MYT1L: variants seen among roughly 807,000 people sequenced by gnomAD.
MYT1L encodes myelin transcription factor 1 like, also known as myelin transcription factor 1-like protein.
Under a neutral mutation model 126.7 loss-of-function variants are expected in MYT1L, and 12 were observed. The ratio of observed to expected loss-of-function variants is 0.09; its 90% CI spans 0.06 to 0.15. The LOEUF is 0.15. MYT1L is among the 10% of genes least tolerant of loss of function. MYT1L has a pLI of 1.00. For synonymous variants in MYT1L, 541 were observed against 604.2 expected (o/e 0.90, Z 1.53); for missense variants, 979 against 1,585.2 (o/e 0.62, Z 6.49).
intron 3 of MYT1L, among the ~76,000 whole-genome samples, chr2:2,083,781 T>G (rs1309934177): frequency 1.3e-5 from 2 of 152,166 alleles, no homozygotes; most frequent in Non-Finnish European, 2.9e-5. Flanking sequence ...AGTAAGCCCA[T>G]GTGCTGATGA....
intron 2 of MYT1L, among the ~76,000 whole-genome samples, chr2:2,259,898 G>A (rs573416187): frequency 2.0e-4 from 30 of 152,296 alleles, no homozygotes; most frequent in African/African-American, 6.5e-4. Flanking sequence ...ACTGGCCAGG[G>A]GTTCTGTGAA....
chr2:2,283,981 C>T (rs533776163), intron 2 of MYT1L, among the ~76,000 whole-genome samples: 1 of 152,048 alleles, frequency 6.6e-6, no homozygotes, highest in Non-Finnish European at 1.5e-5. Flanking sequence ...GTGGCCTCAC[C>T]CAAAGCAGGC....
chr2:1,932,828 T>C (rs757830691), intron 9 of MYT1L, among the ~76,000 whole-genome samples: 2 of 151,470 alleles, frequency 1.3e-5, no homozygotes, highest in African/African-American at 4.9e-5. Flanking sequence ...GCTGGTGGAG[T>C]GTGCTGGAAG....
chr2:1,984,842 T>C (rs549310322), intron 5 of MYT1L, among the ~76,000 whole-genome samples: 1 of 152,270 alleles, frequency 6.6e-6, no homozygotes, highest in South Asian at 2.1e-4. Context: ...GAAAATTTCA[T>C]AAACTCAGTA....
intron 9 of MYT1L, among the ~76,000 whole-genome samples, chr2:1,937,654 C>T (rs978250306): frequency 2.0e-5 from 3 of 152,000 alleles, no homozygotes; most frequent in Admixed American, 6.5e-5. Context: ...CTAACATCCG[C>T]GGCCATCAGA....
intron 2 of MYT1L, among the ~76,000 whole-genome samples, chr2:2,279,568 T>TGAAG (rs199817306): frequency 0.12 from 17,232 of 144,652 alleles, 1,178 homozygotes; most frequent in Non-Finnish European, 0.15. Context: ...AATGAATGAA[T>TGAAG]GAAGGAAGGA....
chr2:1,969,172 G>A (rs1453701793), intron 8 of MYT1L, among the ~76,000 whole-genome samples: 1 of 152,198 alleles, frequency 6.6e-6, no homozygotes, highest in Admixed American at 6.5e-5. Flanking sequence ...CTCACCCTGT[G>A]AAGGCACTGG....
chr2:2,313,711 G>C (rs1409781764), intron 1 of MYT1L, among the ~76,000 whole-genome samples: 1 of 152,010 alleles, frequency 6.6e-6, no homozygotes, highest in Non-Finnish European at 1.5e-5. Context: ...AAAAATTTAA[G>C]TAAAATATGA....
At chr2:2,179,370 A>C (rs2091161029) in intron 2 of MYT1L, among the ~76,000 whole-genome samples, 1 of 152,226 alleles carries the variant, frequency 6.6e-6, no homozygotes, top group Non-Finnish European at 1.5e-5. Context: ...GAGTTAGCTT[A>C]GATGAGTTCA....
intron 2 of MYT1L, among the ~76,000 whole-genome samples, chr2:2,200,551 C>T (rs1381517592): frequency 6.6e-6 from 1 of 152,186 alleles, no homozygotes; most frequent in African/African-American, 2.4e-5. Context: ...ATCTTACTCT[C>T]CTGAACTTAA....
intron 5 of MYT1L, among the ~76,000 whole-genome samples, chr2:1,991,695 C>A (rs572518372): frequency 6.6e-6 from 1 of 152,280 alleles, no homozygotes; most frequent in South Asian, 2.1e-4. Context: ...GCTCAGACCC[C>A]TCCACCCTCC....
At chr2:2,254,457 C>T (rs937864232) in intron 2 of MYT1L, among the ~76,000 whole-genome samples, 1 of 152,110 alleles carries the variant, frequency 6.6e-6, no homozygotes, top group Non-Finnish European at 1.5e-5. Context: ...TTTCCAGAGG[C>T]GCTGGAGCTG....
At chr2:2,286,714 T>C (rs1439412887) in intron 1 of MYT1L, among the ~76,000 whole-genome samples, 1 of 152,182 alleles carries the variant, frequency 6.6e-6, no homozygotes, top group Non-Finnish European at 1.5e-5. Flanking sequence ...AGAGATCATC[T>C]GTGGTCAAGG....
intron 11 of MYT1L, among the ~76,000 whole-genome samples, chr2:1,915,879 C>T (rs2052745352): frequency 6.6e-6 from 1 of 152,164 alleles, no homozygotes. Flanking sequence ...CTCTCATCTT[C>T]CTCATCCGAA....
At chr2:2,031,678 G>C (rs542908175) in intron 4 of MYT1L, among the ~76,000 whole-genome samples, 31 of 133,014 alleles carry the variant, frequency 2.3e-4, no homozygotes, top group African/African-American at 9.0e-4. Flanking sequence ...CTGTGGCCCA[G>C]AGCAGATTCT....
At chr2:1,919,954 G>A (rs895109933) in intron 10 of MYT1L, among the ~76,000 whole-genome samples, 1 of 135,030 alleles carries the variant, frequency 7.4e-6, no homozygotes, top group Admixed American at 7.0e-5. Flanking sequence ...TCCTGACCTC[G>A]TGATCCACCC....
chr2:2,180,018 CTG>C (rs1276387838), intron 2 of MYT1L, among the ~76,000 whole-genome samples: 2 of 152,200 alleles, frequency 1.3e-5, no homozygotes, highest in African/African-American at 4.8e-5. Context: ...CCTTCACACA[CTG>C]TTTCACACAG....
At chr2:2,050,583 C>T (rs890602103) in intron 4 of MYT1L, among the ~76,000 whole-genome samples, 6 of 152,126 alleles carry the variant, frequency 3.9e-5, no homozygotes, top group African/African-American at 1.4e-4. Context: ...CAGAAAAATG[C>T]CCTAAATCTA....
Position 1,922,656 on chromosome 2 carries a change from C to A in MYT1L, c.1113G>T (p.Thr371=). 6.2e-7 allele frequency: 1 copy of A among 1,613,834 alleles called. No individual in the cohort carries two copies. Among genetic ancestry groups the A allele is most frequent in the Non-Finnish European group, 8.5e-7 (1 of 1,179,846 alleles). Residue 371 remains threonine (T), a synonymous_variant, in exon 10 of 25, where the codon ACG becomes ACT. Coordinates refer to ENST00000647738, the MANE Select transcript of MYT1L (RefSeq NM_001303052.2). The surrounding 1 kb of genome is among the most constrained non-coding windows in gnomAD (Gnocchi z 7.4). ...VRPEEDFPGR[T]PDRNYSDMLN... ...GCATGTCCGAGTAGTTTCTGTCCGG[C>A]GTCCTTCCGGGGAAGTCCTCTTCTG...
Sources: gnomAD v4.1 joint callset for allele counts (sites outside exome capture counted in the v4.1 genomes callset) on GRCh38, gnomAD v4.1.1 for gene constraint, Gnocchi (gnomAD v3.1) non-coding constraint, MANE v1.5 for transcripts, NCBI Gene and HGNC (gene_info 2026-07-23, HGNC 2026-07-21) for gene names.